NPSR1: variants seen among roughly 807,000 people sequenced by gnomAD.
NPSR1 encodes the protein neuropeptide S receptor.
A neutral mutation model predicts 46.9 loss-of-function variants in NPSR1; 48 were observed. That is an observed-to-expected ratio of 1.02 (90% CI 0.81 to 1.30). NPSR1 has a LOEUF of 1.30. Among genes scored for constraint, NPSR1 ranks in the 50% most tolerant of loss-of-function variants. NPSR1 has a pLI of 0.00. For missense variants in NPSR1, 450 were observed against 449.5 expected, an observed-to-expected ratio of 1.00 and a Z score of -0.01; for synonymous variants, 176 against 168.1, an observed-to-expected ratio of 1.05 and a Z score of -0.36.
At chr7:34,824,051 CA>C (rs1789708431) in intron 4 of NPSR1, among the ~76,000 whole-genome samples, 2 of 152,180 alleles carry the variant, frequency 1.3e-5, no homozygotes, top group South Asian at 4.1e-4. Context: ...ATGGTCATAA[CA>C]GGCTTTTCAG....
intron 2 of NPSR1, among the ~76,000 whole-genome samples, chr7:34,732,856 G>A (rs779437740): frequency 1.4e-4 from 22 of 152,172 alleles, no homozygotes; most frequent in Admixed American, 7.9e-4. Flanking sequence ...ACAAAGGGGT[G>A]CTAATTCCTA....
rs754083738 is a variant in NPSR1, at chr7:34,827,562, G to A, written c.640G>A (p.Val214Met). 1.4e-5 allele frequency: 23 copies of A among 1,609,588 alleles called. No individual in the cohort carries two copies. The highest frequency in any genetic ancestry group is 6.8e-5 in the African/African-American group (5 of 74,006). ...DSYWTPYMTI[V>M]AFLVYFIPLT... Reference sequence around the variant, plus strand: ...CTACTGGACCCCATACATGACCATCGTGGCCTTCCTGGTGTACTTCATCCC... The same window carrying A: ...CTACTGGACCCCATACATGACCATCATGGCCTTCCTGGTGTACTTCATCCC... The change falls in exon 5 of 9, where the codon GTG (valine) becomes ATG (methionine). Residue 214 changes from valine (V) to methionine (M), a missense_variant. By Grantham distance (21) the Val-to-Met change is conservative. Transcript: ENST00000360581.
chr7:34,671,258 AAAGT>A (rs1792041316), intron 1 of NPSR1, among the ~76,000 whole-genome samples: 1 of 152,200 alleles, frequency 6.6e-6, no homozygotes, highest in South Asian at 2.1e-4. Flanking sequence ...CCAAGATGGA[AAAGT>A]AAGAAATTCT....
intron 4 of NPSR1, among the ~76,000 whole-genome samples, chr7:34,820,166 T>C (rs777306983): frequency 6.6e-6 from 1 of 152,214 alleles, no homozygotes; most frequent in African/African-American, 2.4e-5. Context: ...AAGAAGCCTT[T>C]GGAGGTGATG....
At chr7:34,789,494 A>G (rs1787620086) in intron 3 of NPSR1, among the ~76,000 whole-genome samples, 1 of 152,002 alleles carries the variant, frequency 6.6e-6, no homozygotes, top group Admixed American at 6.6e-5. Context: ...ACAAGCGACT[A>G]TGAAAAACTA....
At chr7:34,716,251 C>T (rs964999799) in intron 2 of NPSR1, among the ~76,000 whole-genome samples, 2 of 152,086 alleles carry the variant, frequency 1.3e-5, no homozygotes, top group African/African-American at 4.8e-5. Context: ...CATTCATCTT[C>T]CAAAAGAGGA....
downstream of NPSR1, among the ~76,000 whole-genome samples, chr7:34,852,531 G>T (rs1413144473): frequency 3.9e-5 from 6 of 152,140 alleles, no homozygotes; most frequent in South Asian, 8.3e-4. Flanking sequence ...CAGAGACTGA[G>T]AGCTTCTGGA....
At chr7:34,723,516 C>CATAAATAAATAAATAAATAA (rs34955612) in intron 2 of NPSR1, 1 of 145,858 alleles carries the variant, frequency 6.9e-6, no homozygotes, top group East Asian at 2.0e-4. Flanking sequence ...TTCTAAATAG[C>CATAAATAAATAAATAAATAA]ATAAATAAAT....
At chr7:34,716,431 T>C (rs1246924353) in intron 2 of NPSR1, among the ~76,000 whole-genome samples, 2 of 152,222 alleles carry the variant, frequency 1.3e-5, no homozygotes, top group Non-Finnish European at 2.9e-5. Flanking sequence ...GGGAGCAGGA[T>C]GAAGACACAG....
chr7:34,774,414 G>T (rs1436248553), intron 2 of NPSR1, among the ~76,000 whole-genome samples: 1 of 152,178 alleles, frequency 6.6e-6, no homozygotes, highest in Non-Finnish European at 1.5e-5. Flanking sequence ...TCCCAGATGT[G>T]CCATTTCCAT....
At chr7:34,790,919 TA>T (rs1787764100) in intron 3 of NPSR1, among the ~76,000 whole-genome samples, 2 of 129,588 alleles carry the variant, frequency 1.5e-5, no homozygotes, top group Non-Finnish European at 3.1e-5. Context: ...TTATATATCA[TA>T]TATGTTATAT....
intron 3 of NPSR1, among the ~76,000 whole-genome samples, chr7:34,791,034 ATAT>A (rs1387743816): frequency 4.1e-5 from 5 of 121,544 alleles, no homozygotes; most frequent in African/African-American, 1.0e-4. Context: ...TATATGTTAT[ATAT>A]TATATTATAT....
intron 2 of NPSR1, among the ~76,000 whole-genome samples, chr7:34,771,052 C>T (rs1045521197): frequency 6.6e-6 from 1 of 152,194 alleles, no homozygotes; most frequent in Non-Finnish European, 1.5e-5. Flanking sequence ...TTCTTGGGCA[C>T]ACATTCAAAC....
At chr7:34,784,663 C>G (rs1359733529) in intron 3 of NPSR1, among the ~76,000 whole-genome samples, 3 of 152,136 alleles carry the variant, frequency 2.0e-5, no homozygotes, top group South Asian at 4.1e-4. Context: ...TGTTGTGTCT[C>G]TGCCAGGCTT....
At chr7:34,871,151 A>G (rs886976753) in intron 8 of NPSR1, among the ~76,000 whole-genome samples, 4 of 151,820 alleles carry the variant, frequency 2.6e-5, no homozygotes, top group Admixed American at 2.0e-4. Flanking sequence ...TGATGCTGTC[A>G]TCTGCTTCTG....
intron 3 of NPSR1, among the ~76,000 whole-genome samples, chr7:34,783,158 T>A (rs1432103828): frequency 6.6e-6 from 1 of 151,930 alleles, no homozygotes; most frequent in Admixed American, 6.6e-5. Flanking sequence ...AAAGAGAAAA[T>A]GTGCAATGCA....
chr7:34,760,912 T>C (rs960098624), intron 2 of NPSR1, among the ~76,000 whole-genome samples: 4 of 152,170 alleles, frequency 2.6e-5, no homozygotes, highest in Non-Finnish European at 5.9e-5. Context: ...TGCCTAAACA[T>C]AGGCATGTAG....
chr7:34,728,848 T>C (rs1006525130), intron 2 of NPSR1: 1 of 152,678 alleles, frequency 6.5e-6, no homozygotes, highest in African/African-American at 2.4e-5. Flanking sequence ...GAAGATTAAA[T>C]GTCTGTAAAT....
intron 3 of NPSR1, among the ~76,000 whole-genome samples, chr7:34,794,707 A>G (rs192986581): frequency 2.6e-5 from 4 of 152,310 alleles, no homozygotes; most frequent in Non-Finnish European, 5.9e-5. Context: ...GCATTACACT[A>G]ATACCAAAAG....
Sources: gnomAD v4.1 joint callset for allele counts (sites outside exome capture counted in the v4.1 genomes callset) on GRCh38, gnomAD v4.1.1 for gene constraint, MANE v1.5 for transcripts, NCBI Gene and HGNC (gene_info 2026-07-23, HGNC 2026-07-21) for gene names.